The following KLHL20 variants were observed in gnomAD, a reference collection of about 807,000 sequenced individuals.
The protein encoded by KLHL20 is kelch-like protein 20.
Under a neutral mutation model 69.5 loss-of-function variants are expected in KLHL20, and 29 were observed. That is an observed-to-expected ratio of 0.42 (90% CI 0.31 to 0.57). The LOEUF is 0.57. Among genes scored for constraint, KLHL20 ranks in the 20% least tolerant of loss-of-function variants. The pLI is 0.18. For synonymous variants in KLHL20, 253 were observed against 265.2 expected, an observed-to-expected ratio of 0.95 and a Z score of 0.45; for missense variants, 419 against 776.0, an observed-to-expected ratio of 0.54 and a Z score of 5.47.
intron 8 of KLHL20, among the ~76,000 whole-genome samples, chr1:173,769,412 A>AT (rs779856902): frequency 3.9e-5 from 6 of 152,300 alleles, no homozygotes; most frequent in African/African-American, 1.2e-4. Context: ...GAGAATCAAA[A>AT]TTAAGCAGGA....
chr1:173,726,025 G>A (rs550618738), intron 2 of KLHL20, among the ~76,000 whole-genome samples: 21 of 152,292 alleles, frequency 1.4e-4, no homozygotes, highest in Admixed American at 1.2e-3. Flanking sequence ...GATGGCACCT[G>A]GAAAATCGGG....
At chr1:173,733,629 T>C in intron 2 of KLHL20, 84 bp from the exon 3 acceptor site, 2 of 1,147,450 alleles carry the variant, frequency 1.7e-6, no homozygotes, top group South Asian at 3.1e-5. Context: ...CATTTCCTTA[T>C]CGCTTGAATT....
chr1:173,748,885 T>G (rs553104409), intron 3 of KLHL20, among the ~76,000 whole-genome samples: 5 of 152,236 alleles, frequency 3.3e-5, no homozygotes, highest in Non-Finnish European at 7.4e-5. Flanking sequence ...CACTTAAAAT[T>G]TTTTTTAATG....
intron 3 of KLHL20, among the ~76,000 whole-genome samples, chr1:173,740,356 C>T (rs560856559): frequency 4.0e-5 from 6 of 151,654 alleles, no homozygotes; most frequent in East Asian, 1.9e-4. Flanking sequence ...GTGATCCACC[C>T]GCCTCGGCCT....
intron 3 of KLHL20, among the ~76,000 whole-genome samples, chr1:173,750,323 G>A (rs1014720107): frequency 1.3e-5 from 2 of 151,446 alleles, no homozygotes; most frequent in African/African-American, 4.9e-5. Flanking sequence ...TATTTTCTTG[G>A]TGATATGGCC....
rs115085951 is a variant in KLHL20 at position 173,760,878 on chromosome 1, C to G, written c.1151+3719C>G. Among the ~76,000 whole-genome samples the G allele has an allele frequency of 2.6e-5, 4 of 152,234 alleles. No homozygotes were observed. The East Asian group carries it at 7.7e-4, about 29-fold the overall frequency. On this transcript the variant is annotated intron_variant, in intron 7 of 11. Coordinates refer to ENST00000209884, the MANE Select transcript of KLHL20 (RefSeq NM_014458.4). Reference sequence around the variant, plus strand: ...AAAGAGCACTACGAAAGTAAAGTAACGGTACCTCACATTTCAATACTAACA... The same window carrying G: ...AAAGAGCACTACGAAAGTAAAGTAAGGGTACCTCACATTTCAATACTAACA...
intron 2 of KLHL20, among the ~76,000 whole-genome samples, chr1:173,732,217 T>C (rs1447946926): frequency 1.3e-5 from 2 of 149,258 alleles, no homozygotes; most frequent in Non-Finnish European, 3.0e-5. Context: ...AAAACCAGTG[T>C]GATGGCATGT....
chr1:173,785,072 C>T (rs1049300972), intron 11 of KLHL20, 91 bp from the exon 12 acceptor site: 85 of 927,998 alleles, frequency 9.2e-5, no homozygotes, highest in Middle Eastern at 2.4e-4. Flanking sequence ...AACATAGAAA[C>T]GTGTTAATAA....
chr1:173,741,812 C>T, intron 3 of KLHL20: 1 of 1,575,894 alleles, frequency 6.3e-7, no homozygotes, highest in East Asian at 2.2e-5. Flanking sequence ...TCACCATGGT[C>T]TTTAGCCATG....
At chr1:173,727,954 G>C (rs540045084) in intron 2 of KLHL20, among the ~76,000 whole-genome samples, 4 of 143,190 alleles carry the variant, frequency 2.8e-5, no homozygotes, top group Non-Finnish European at 6.4e-5. Context: ...ACACAGACTG[G>C]CAAATTGGAT....
chr1:173,741,852 T>A (rs1442867168), intron 3 of KLHL20: 1 of 1,586,222 alleles, frequency 6.3e-7, no homozygotes. Context: ...TGTTGGCTGC[T>A]CCACTGTCCT....
chr1:173,730,722 A>G (rs1180151934), intron 2 of KLHL20, among the ~76,000 whole-genome samples: 14 of 152,364 alleles, frequency 9.2e-5, no homozygotes, highest in Admixed American at 9.2e-4. Flanking sequence ...AATTAATTCA[A>G]GATGGATTAA....
chr1:173,776,043 T>A (rs1648443850), intron 10 of KLHL20, among the ~76,000 whole-genome samples: 1 of 152,172 alleles, frequency 6.6e-6, no homozygotes, highest in African/African-American at 2.4e-5. Flanking sequence ...TAATTTATAT[T>A]CCCACCAGCA....
chr1:173,737,459 C>T (rs938289886), intron 3 of KLHL20, among the ~76,000 whole-genome samples: 1 of 152,190 alleles, frequency 6.6e-6, no homozygotes, highest in African/African-American at 2.4e-5. Flanking sequence ...ATTATCCCAG[C>T]ACTGTTTGCT....
chr1:173,719,245 T>G (rs1481646192), intron 2 of KLHL20, among the ~76,000 whole-genome samples: 1 of 152,182 alleles, frequency 6.6e-6, no homozygotes, highest in Non-Finnish European at 1.5e-5. Flanking sequence ...TTATTTCAAC[T>G]GTTTTGCTGT....
chr1:173,727,677 A>C (rs1672043403), intron 2 of KLHL20, among the ~76,000 whole-genome samples: 1 of 152,174 alleles, frequency 6.6e-6, no homozygotes, highest in Non-Finnish European at 1.5e-5. Context: ...GAGAAATAAG[A>C]TCCTTTACAG....
chr1:173,744,851 A>C (rs1293651115), intron 3 of KLHL20, among the ~76,000 whole-genome samples: 1 of 152,134 alleles, frequency 6.6e-6, no homozygotes, highest in African/African-American at 2.4e-5. Flanking sequence ...AAGTTTTATA[A>C]TGAATTTTAG....
Position 173,774,295 on chromosome 1 carries a change from C to T in KLHL20, c.1296-10C>T. ...AGAACAAGCATACAGTCTGGTTTCC[C>T]TCACTGCAGGTATGATCCGAAGGAG... On this transcript the variant is annotated splice_polypyrimidine_tract_variant and intron_variant, in intron 8 of 11. Coordinates refer to ENST00000209884, the MANE Select transcript of KLHL20 (RefSeq NM_014458.4). The T allele has an allele frequency of 6.2e-7, 1 of 1,614,092 alleles. No homozygotes were observed. Among genetic ancestry groups the T allele is most frequent in the African/African-American group, 1.3e-5 (1 of 75,024 alleles).
chr1:173,751,539 AT>A (rs1673313563), intron 3 of KLHL20, among the ~76,000 whole-genome samples: 1 of 152,064 alleles, frequency 6.6e-6, no homozygotes, highest in Admixed American at 6.5e-5. Flanking sequence ...TTTTTAAGTC[AT>A]TTTTCTTAAA....
Sources: gnomAD v4.1 joint callset for allele counts (sites outside exome capture counted in the v4.1 genomes callset) on GRCh38, gnomAD v4.1.1 for gene constraint, MANE v1.5 for transcripts, NCBI Gene and HGNC (gene_info 2026-07-23, HGNC 2026-07-21) for gene names.